Variants in SLC67A1 observed in about 807,000 individuals in gnomAD.
SLC67A1 encodes solute carrier family 67 member 1.
At chr11:2,909,192 C>G in the SLC67A1 span, 1 of 1,514,286 alleles carries the variant, frequency 6.6e-7, no homozygotes, top group Non-Finnish European at 8.8e-7. Context: ...CCCTCGGCCC[C>G]CAGGTTCGCA....
chr11:2,907,935 A>G, the SLC67A1 span, among the ~76,000 whole-genome samples: 1 of 152,184 alleles, frequency 6.6e-6, no homozygotes, highest in African/African-American at 2.4e-5. This position sits in a 1 kb window ranked among gnomAD's most constrained non-coding sequence, Gnocchi z 6.7. Context: ...GAATGAAGAC[A>G]AAATGGTGGG....
At chr11:2,917,729 G>A in the SLC67A1 span, among the ~76,000 whole-genome samples, 1 of 152,238 alleles carries the variant, frequency 6.6e-6, no homozygotes, top group African/African-American at 2.4e-5. Context: ...TGCGTGCAGA[G>A]AATGCTTTTC....
the SLC67A1 span, among the ~76,000 whole-genome samples, chr11:2,906,849 G>A: frequency 6.7e-6 from 1 of 148,934 alleles, no homozygotes; most frequent in African/African-American, 2.5e-5. Flanking sequence ...ATGTACCCTA[G>A]AACTTAAAGT....
the SLC67A1 span, among the ~76,000 whole-genome samples, chr11:2,914,242 C>T: frequency 1.3e-5 from 2 of 152,196 alleles, no homozygotes; most frequent in Non-Finnish European, 2.9e-5. Flanking sequence ...GGTCGTGGCT[C>T]CACTGATAAA....
the SLC67A1 span, chr11:2,908,433 C>G: frequency 1.3e-6 from 1 of 782,764 alleles, no homozygotes. Flanking sequence ...CACACCGGAC[C>G]CCCCTGGGAT....
At chr11:2,923,332 T>G in the SLC67A1 span, among the ~76,000 whole-genome samples, 1 of 134,832 alleles carries the variant, frequency 7.4e-6, no homozygotes, top group Admixed American at 7.1e-5. This position sits in a 1 kb window ranked among gnomAD's most constrained non-coding sequence, Gnocchi z 6.5. Flanking sequence ...AGGCAGCAGA[T>G]CCAGAAACTC....
At chr11:2,910,556 G>A in the SLC67A1 span, among the ~76,000 whole-genome samples, 277 of 152,274 alleles carry the variant, frequency 1.8e-3, no homozygotes, top group African/African-American at 6.1e-3. Flanking sequence ...GAAGGGGCAG[G>A]CACCAGGCCG....
the SLC67A1 span, chr11:2,903,351 G>A: frequency 3.1e-6 from 5 of 1,612,780 alleles, no homozygotes; most frequent in Admixed American, 6.7e-5. Context: ...CCAGGATGCA[G>A]GGAGCTCGGG....
At chr11:2,912,168 A>C in the SLC67A1 span, among the ~76,000 whole-genome samples, 1 of 152,276 alleles carries the variant, frequency 6.6e-6, no homozygotes, top group Non-Finnish European at 1.5e-5. Flanking sequence ...ACTGTGGCAA[A>C]AGCTGGCTGC....
At chr11:2,904,390 C>T in the SLC67A1 span, among the ~76,000 whole-genome samples, 1 of 152,238 alleles carries the variant, frequency 6.6e-6, no homozygotes, top group African/African-American at 2.4e-5. Context: ...GATCCCTCCC[C>T]GCCGTGCCTC....
the SLC67A1 span, chr11:2,925,072 G>A: frequency 2.0e-5 from 32 of 1,613,578 alleles, no homozygotes; most frequent in African/African-American, 2.7e-5. This position sits in a 1 kb window ranked among gnomAD's most constrained non-coding sequence, Gnocchi z 6.5. Context: ...ACCCACGGTC[G>A]GCGGCCTCCT....
At chr11:2,923,246 C>G in the SLC67A1 span, among the ~76,000 whole-genome samples, 1 of 152,152 alleles carries the variant, frequency 6.6e-6, no homozygotes, top group South Asian at 2.1e-4. The surrounding 1 kb of genome is among the most constrained non-coding windows in gnomAD (Gnocchi z 6.5). Flanking sequence ...ACTGGAGATT[C>G]TTCCAGGCCT....
At chr11:2,911,114 G>A in the SLC67A1 span, among the ~76,000 whole-genome samples, 1 of 152,168 alleles carries the variant, frequency 6.6e-6, no homozygotes, top group Non-Finnish European at 1.5e-5. Context: ...CTGCAGCAGG[G>A]AGGCCACCCC....
At chr11:2,921,982 G>A in the SLC67A1 span, 1 of 747,892 alleles carries the variant, frequency 1.3e-6, no homozygotes, top group South Asian at 1.5e-5. Context: ...CTTCTCTGCA[G>A]AGGGGCCCTG....
chr11:2,910,455 C>T, the SLC67A1 span, among the ~76,000 whole-genome samples: 2 of 152,182 alleles, frequency 1.3e-5, no homozygotes, highest in South Asian at 2.1e-4. Context: ...GCATCTGAGT[C>T]GAGGCCTGAA....
the SLC67A1 span, chr11:2,908,204 C>T: frequency 6.4e-7 from 1 of 1,553,310 alleles, no homozygotes; most frequent in Non-Finnish European, 8.9e-7. Flanking sequence ...TTTCCCAGCC[C>T]CTCCCCCGGG....
At chr11:2,913,391 G>A in the SLC67A1 span, among the ~76,000 whole-genome samples, 2 of 152,150 alleles carry the variant, frequency 1.3e-5, no homozygotes, top group Non-Finnish European at 2.9e-5. Flanking sequence ...AGTCACTCCA[G>A]TCTCAGAGCC....
chr11:2,904,982 T>C, the SLC67A1 span, among the ~76,000 whole-genome samples: 1 of 151,744 alleles, frequency 6.6e-6, no homozygotes, highest in Non-Finnish European at 1.5e-5. Flanking sequence ...TGGACTGTAG[T>C]GGGTGTGAGA....
the SLC67A1 span, among the ~76,000 whole-genome samples, chr11:2,901,059 T>C: frequency 6.6e-6 from 1 of 152,348 alleles, no homozygotes; most frequent in Middle Eastern, 3.4e-3. Flanking sequence ...CTGATTTCTA[T>C]GACCTGCCCT....
Sources: gnomAD v4.1 joint callset for allele counts (sites outside exome capture counted in the v4.1 genomes callset) on GRCh38, gnomAD v4.1.1 for gene constraint, Gnocchi (gnomAD v3.1) non-coding constraint, MANE v1.5 for transcripts, NCBI Gene and HGNC (gene_info 2026-07-23, HGNC 2026-07-21) for gene names.